COL26A1: variants seen among roughly 807,000 people sequenced by gnomAD.
The protein encoded by COL26A1 is collagen type XXVI alpha 1 chain, also known as collagen alpha-1(XXVI) chain.
A neutral mutation model predicts 59.3 loss-of-function variants in COL26A1; 41 were observed. That is an observed-to-expected ratio of 0.69 (90% CI 0.54 to 0.90). COL26A1 has a LOEUF of 0.90. Ranked by LOEUF, COL26A1 falls within the 40% of genes least tolerant of loss-of-function variation. The pLI, the probability that COL26A1 is intolerant of heterozygous loss-of-function variation, is 0.00. For missense variants in COL26A1, 612 were observed against 602.3 expected (o/e 1.02, Z -0.17); for synonymous variants, 266 against 256.0 (o/e 1.04, Z -0.37).
chr7:101,443,012 A>G (rs1793099406), intron 2 of COL26A1, among the ~76,000 whole-genome samples: 1 of 151,828 alleles, frequency 6.6e-6, no homozygotes, highest in South Asian at 2.1e-4. Context: ...AAGGTGTGAG[A>G]GTGTGTGAGG....
chr7:101,521,430 G>A (rs1172904441), intron 3 of COL26A1, among the ~76,000 whole-genome samples: 1 of 152,186 alleles, frequency 6.6e-6, no homozygotes, highest in Non-Finnish European at 1.5e-5. Context: ...TGTACAGGGT[G>A]CATGGCAATT....
chr7:101,420,609 C>A (rs1221184656), intron 2 of COL26A1, among the ~76,000 whole-genome samples: 1 of 151,832 alleles, frequency 6.6e-6, no homozygotes. Context: ...CCAGCCCTGA[C>A]CCTCATGAGC....
At chr7:101,517,681 T>C (rs1795057709) in intron 3 of COL26A1, among the ~76,000 whole-genome samples, 1 of 152,106 alleles carries the variant, frequency 6.6e-6, no homozygotes, top group South Asian at 2.1e-4. Flanking sequence ...CCAAACCATT[T>C]CACCATCTCT....
chr7:101,455,861 T>A (rs1255856169), intron 3 of COL26A1, among the ~76,000 whole-genome samples: 1 of 151,884 alleles, frequency 6.6e-6, no homozygotes, highest in Non-Finnish European at 1.5e-5. Context: ...ATGTTTTGTA[T>A]TTTTAGTAGA....
chr7:101,408,124 A>G (rs1035331524), intron 1 of COL26A1, among the ~76,000 whole-genome samples: 4 of 152,204 alleles, frequency 2.6e-5, no homozygotes, highest in Non-Finnish European at 5.9e-5. Flanking sequence ...GTTAAGCCCC[A>G]ACACTGGGGT....
intron 3 of COL26A1, among the ~76,000 whole-genome samples, chr7:101,453,895 T>C (rs1340500676): frequency 6.6e-6 from 1 of 152,124 alleles, no homozygotes; most frequent in Non-Finnish European, 1.5e-5. Flanking sequence ...AACAAGCAGG[T>C]CCATGAGATG....
chr7:101,454,154 A>G (rs7783124), intron 3 of COL26A1, among the ~76,000 whole-genome samples: 1 of 152,138 alleles, frequency 6.6e-6, no homozygotes, highest in Admixed American at 6.6e-5. Context: ...GTCACCAGAC[A>G]TGCATGTTTC....
chr7:101,556,150 C>T (rs1336576807), intron 12 of COL26A1, among the ~76,000 whole-genome samples: 2 of 152,216 alleles, frequency 1.3e-5, no homozygotes, highest in Non-Finnish European at 2.9e-5. Flanking sequence ...TGCCTTTGCT[C>T]GGGCCATGCC....
Position 101,533,143 on chromosome 7 carries a change from G to A in COL26A1, c.447G>A (p.Lys149=). 1 of 1,600,804 alleles carries A rather than the reference G, an allele frequency of 6.2e-7. No individual in the cohort carries two copies. The highest frequency in any genetic ancestry group is 1.7e-5 in the Admixed American group (1 of 58,500). Residue 149 remains lysine (K), a splice_region_variant and synonymous_variant, in exon 4 of 13, where the codon AAG becomes AAA. Transcript: ENST00000313669. Reference sequence around the variant, plus strand: ...AGCGACTGACCACACTGGAGGCCAAGGTCAGTCGGGCTGGGGAGTCTGGGC... The same window carrying A: ...AGCGACTGACCACACTGGAGGCCAAAGTCAGTCGGGCTGGGGAGTCTGGGC... ...MSERLTTLEA[K]VLLLEAAERP...
At chr7:101,376,025 G>T (rs1791308711) in intron 1 of COL26A1, among the ~76,000 whole-genome samples, 1 of 151,334 alleles carries the variant, frequency 6.6e-6, no homozygotes, top group South Asian at 2.1e-4. Context: ...GCCAGGCACG[G>T]TGATGTGTGA....
chr7:101,369,485 G>GTC (rs1791133675), intron 1 of COL26A1, among the ~76,000 whole-genome samples: 1 of 107,288 alleles, frequency 9.3e-6, no homozygotes, highest in Non-Finnish European at 1.7e-5. Flanking sequence ...GTCTCGCTCT[G>GTC]TCGCCCAGGC....
intron 1 of COL26A1, among the ~76,000 whole-genome samples, chr7:101,394,905 G>A (rs1398643249): frequency 6.5e-5 from 8 of 122,668 alleles, no homozygotes; most frequent in East Asian, 2.4e-4. Flanking sequence ...ACAGAGTCTC[G>A]TGCTGTCACC....
chr7:101,467,670 A>G (rs191813619), intron 3 of COL26A1, among the ~76,000 whole-genome samples: 13 of 152,020 alleles, frequency 8.6e-5, no homozygotes, highest in Admixed American at 1.3e-4. Flanking sequence ...GATCAAGACC[A>G]TCCTGGCTAA....
intron 2 of COL26A1, among the ~76,000 whole-genome samples, chr7:101,441,205 G>A (rs1793050569): frequency 6.6e-6 from 1 of 152,144 alleles, no homozygotes; most frequent in African/African-American, 2.4e-5. Context: ...TAACCTCTTT[G>A]TGCCTCAGTT....
At chr7:101,501,559 G>T (rs1036642330) in intron 3 of COL26A1, among the ~76,000 whole-genome samples, 4 of 152,018 alleles carry the variant, frequency 2.6e-5, no homozygotes, top group African/African-American at 7.2e-5. Flanking sequence ...TGGAAGCCAG[G>T]TTCCTCCAGG....
At chr7:101,444,597 T>C (rs1278353653) in intron 2 of COL26A1, among the ~76,000 whole-genome samples, 6 of 152,130 alleles carry the variant, frequency 3.9e-5, no homozygotes, top group Admixed American at 1.3e-4. Flanking sequence ...GTATTTTTAG[T>C]AGAGATGGGG....
intron 3 of COL26A1, among the ~76,000 whole-genome samples, chr7:101,490,854 C>G (rs1033745396): frequency 6.6e-6 from 1 of 151,894 alleles, no homozygotes; most frequent in Non-Finnish European, 1.5e-5. Context: ...CAAAAATTAG[C>G]CAGGCATGGT....
intron 1 of COL26A1, among the ~76,000 whole-genome samples, chr7:101,402,239 C>A (rs1453301187): frequency 6.6e-6 from 1 of 152,134 alleles, no homozygotes; most frequent in Non-Finnish European, 1.5e-5. Flanking sequence ...TGTCGGATGC[C>A]AAATTCCACA....
chr7:101,491,731 A>G (rs59574680), intron 3 of COL26A1, among the ~76,000 whole-genome samples: 7,470 of 152,188 alleles, frequency 0.049, 626 homozygotes, highest in African/African-American at 0.17. Context: ...TCTCATCGCC[A>G]TCTTGGTTTT....
Sources: gnomAD v4.1 joint callset for allele counts (sites outside exome capture counted in the v4.1 genomes callset) on GRCh38, gnomAD v4.1.1 for gene constraint, MANE v1.5 for transcripts, NCBI Gene and HGNC (gene_info 2026-07-23, HGNC 2026-07-21) for gene names.